G3BP2: variants seen among roughly 807,000 people sequenced by gnomAD.
G3BP2 encodes G3BP stress granule assembly factor 2, also known as ras GTPase-activating protein-binding protein 2.
A neutral mutation model predicts 56.7 loss-of-function variants in G3BP2; 11 were observed. The ratio of observed to expected loss-of-function variants is 0.19; its 90% CI spans 0.12 to 0.32. The LOEUF (loss-of-function observed/expected upper bound fraction) is 0.32. G3BP2 is among the 10% of genes least tolerant of loss of function. The pLI is 1.00. For missense variants in G3BP2, 340 were observed against 610.9 expected, an observed-to-expected ratio of 0.56 and a Z score of 4.67; for synonymous variants, 165 against 191.6, an observed-to-expected ratio of 0.86 and a Z score of 1.15.
chr4:75,697,627 G>C (rs1380147353), intron 3 of G3BP2, among the ~76,000 whole-genome samples: 1 of 151,942 alleles, frequency 6.6e-6, no homozygotes, highest in Non-Finnish European at 1.5e-5. Context: ...GTCATAAGTG[G>C]GTAATTCATA....
rs1578421894 is a variant in G3BP2, at chr4:75,678,801, A to G, written c.-24-16752T>C. The stretch of plus-strand genomic sequence containing the variant: ...TCTCATCTGTAAAATGGGGACAATA[A>G]TAATATCTACCTTATTAGGGTACAG... On this transcript the variant is annotated intron_variant, in intron 3 of 3. Coordinates refer to the G3BP2 transcript ENST00000499709. 4.6e-5 allele frequency among the ~76,000 whole-genome samples: 7 copies of G among 152,318 alleles called. No homozygotes were observed. In the South Asian group the frequency reaches 1.0e-3, roughly 23 times the overall value.
chr4:75,648,277 G>A (rs1731383087), intron 9 of G3BP2, among the ~76,000 whole-genome samples: 1 of 149,880 alleles, frequency 6.7e-6, no homozygotes, highest in Admixed American at 6.8e-5. Flanking sequence ...GAACCCGGGA[G>A]ACAGAGGTTG....
rs33912343 is a variant in G3BP2, at chr4:75,667,288, T to TA, written c.-24-5240dup. On this transcript the variant is annotated intron_variant, in intron 1 of 11. Coordinates refer to ENST00000359707, the MANE Select transcript of G3BP2 (RefSeq NM_203505.3). ...TGGGTAACAGGAGTGAGACACTGTTTAAAAAAAAAAAAAAAAAGATAGCCA... is the reference window on the plus strand; with the variant it reads ...TGGGTAACAGGAGTGAGACACTGTTTAAAAAAAAAAAAAAAAAAGATAGCCA... 6.0e-3 allele frequency among the ~76,000 whole-genome samples: 817 copies of TA among 137,300 alleles called. 13 individuals carry two copies. The highest frequency in any genetic ancestry group is 0.019 in the Middle Eastern group (5 of 268). The allele number at this position is 137,300 out of a possible 152,430, so 90.1% of individuals were successfully genotyped here.
intron 3 of G3BP2, among the ~76,000 whole-genome samples, chr4:75,683,829 C>G (rs1325171910): frequency 1.3e-5 from 2 of 151,990 alleles, no homozygotes; most frequent in Non-Finnish European, 2.9e-5. Flanking sequence ...AACTCCATAG[C>G]CATGCCGTAA....
In G3BP2 at chr4:75,657,754, A is replaced by G. The variant is rs200235460; in HGVS notation, c.178-24T>C. The G allele has an allele frequency of 1.8e-5, 27 of 1,490,156 alleles. No individual in the cohort carries two copies. The Admixed American group carries it at 2.8e-4, about 15-fold the overall frequency. The allele number at this position is 1,490,156 out of a possible 1,614,324, so 92.3% of individuals were successfully genotyped here. A position where few individuals can be genotyped will look rare whatever the true frequency, so the allele number is the denominator to read the frequency against. Reference sequence around the variant, plus strand: ...TCCTTTATTAGGGAGGGAGGGAAAAATATAAACTCTGTGATACTGCATTAC... The same window carrying G: ...TCCTTTATTAGGGAGGGAGGGAAAAGTATAAACTCTGTGATACTGCATTAC... On this transcript the variant is annotated intron_variant, in intron 3 of 11. Coordinates refer to ENST00000359707, the MANE Select transcript of G3BP2 (RefSeq NM_203505.3).
chr4:75,671,640 A>G (rs897349293), intron 1 of G3BP2, among the ~76,000 whole-genome samples: 1 of 152,236 alleles, frequency 6.6e-6, no homozygotes, highest in Non-Finnish European at 1.5e-5. Flanking sequence ...GCTCTTAGTA[A>G]GAAATTCATT....
At chr4:75,673,437 T>C, upstream of G3BP2, 1 of 1,208,292 alleles carries the variant, frequency 8.3e-7, no homozygotes, top group Non-Finnish European at 1.0e-6. Context: ...CACCGCCCCC[T>C]CTTATTGTTT....
At chr4:75,677,599 A>G (rs1464398235), upstream of G3BP2, among the ~76,000 whole-genome samples, 3 of 151,896 alleles carry the variant, frequency 2.0e-5, no homozygotes, top group African/African-American at 7.3e-5. Flanking sequence ...AAAAAAAGAG[A>G]TGACTACATG....
chr4:75,643,300 T>C lies in G3BP2; in HGVS notation c.*2130A>G, dbSNP rs1266942056. ...GCAATATCCTGAATTGGAAATTATATATATATATATATATATGGAAACAGA... is the reference window on the plus strand; with the variant it reads ...GCAATATCCTGAATTGGAAATTATACATATATATATATATATGGAAACAGA... On this transcript the variant is annotated 3_prime_UTR_variant, in exon 12 of 12. Coordinates refer to ENST00000359707, the MANE Select transcript of G3BP2 (RefSeq NM_203505.3). 7.4e-6 allele frequency: 1 copy of C among 136,014 alleles called. No homozygotes were observed. Among genetic ancestry groups the C allele is most frequent in the East Asian group, 2.0e-4 (1 of 5,128 alleles). 8.4% of individuals were successfully genotyped at this position (136,014 alleles called of 1,614,324 possible). A position where few individuals can be genotyped will look rare whatever the true frequency, so the allele number is the denominator to read the frequency against.
intron 1 of G3BP2, among the ~76,000 whole-genome samples, chr4:75,666,455 G>A (rs566485543): frequency 1.3e-5 from 2 of 152,288 alleles, no homozygotes; most frequent in Admixed American, 6.5e-5. Flanking sequence ...GATTTACTGA[G>A]AGAACAGTGT....
chr4:75,655,868 A>C lies in G3BP2; in HGVS notation c.445T>G (p.Ser149Ala). The C allele has an allele frequency of 6.9e-7, 1 of 1,456,448 alleles. No homozygotes were observed. Among genetic ancestry groups the C allele is most frequent in the Non-Finnish European group, 9.6e-7 (1 of 1,036,436 alleles). The allele number at this position is 1,456,448 out of a possible 1,614,324, so 90.2% of individuals were successfully genotyped here. The change falls in exon 6 of 12, where the codon TCA becomes GCA. Residue 149 changes from serine to alanine, a missense_variant and splice_region_variant. By Grantham distance (99) the Ser-to-Ala change is moderately conservative. Coordinates refer to ENST00000359707, the MANE Select transcript of G3BP2 (RefSeq NM_203505.3). Reference sequence around the variant, plus strand: ...TGTTCCTCTTCTACTTCATCTTCTGATTCTGAAAATACATAATACAGCACA... The same window carrying C: ...TGTTCCTCTTCTACTTCATCTTCTGCTTCTGAAAATACATAATACAGCACA... ...GDSEPELDEESEDEVEEEQEE... is the reference protein window; with the variant it reads ...GDSEPELDEEAEDEVEEEQEE...
chr4:75,655,944 T>A (rs1490165764), intron 5 of G3BP2, 74 bp from the exon 6 acceptor site: 2 of 831,930 alleles, frequency 2.4e-6, no homozygotes, highest in Non-Finnish European at 4.1e-6. Context: ...TTTAACATGT[T>A]TAAGGAAGTG....
At chr4:75,681,510 A>AT (rs1560411135) in intron 3 of G3BP2, among the ~76,000 whole-genome samples, 3 of 152,074 alleles carry the variant, frequency 2.0e-5, no homozygotes, top group Admixed American at 2.0e-4. Context: ...TAAAGTTTAT[A>AT]CATTAGGCAC....
Position 75,643,683 on chromosome 4 carries a change from T to C in G3BP2, c.*1747A>G, listed in dbSNP as rs571308775. The C allele has an allele frequency of 2.6e-5, 4 of 152,728 alleles. No homozygotes were observed. The South Asian group carries it at 8.3e-4, about 32-fold the overall frequency. The allele number at this position is 152,728 out of a possible 1,614,324, so 9.5% of individuals were successfully genotyped here. A position where few individuals can be genotyped will look rare whatever the true frequency, so the allele number is the denominator to read the frequency against. On this transcript the variant is annotated 3_prime_UTR_variant, in exon 12 of 12. Transcript: ENST00000359707. ...TGCTAGTTTACTAAATAGCAAACAG[T>C]TGCATAATTCAGAACCAATTTGCTA... is the stretch of plus-strand genomic sequence containing the variant.
upstream of G3BP2, chr4:75,673,661 C>T (rs1470681867): frequency 3.6e-5 from 44 of 1,224,534 alleles, no homozygotes; most frequent in Non-Finnish European, 4.4e-5. Flanking sequence ...AGCAGGCTGC[C>T]TTTCTCCGGT....
chr4:75,692,561 C>A (rs1327911245), intron 3 of G3BP2, among the ~76,000 whole-genome samples: 4 of 152,182 alleles, frequency 2.6e-5, no homozygotes, highest in African/African-American at 9.6e-5. Flanking sequence ...CCACCCACCT[C>A]GGCCTCCCAA....
chr4:75,673,367 T>C lies in G3BP2; in HGVS notation c.-184A>G, dbSNP rs1733669622. 6 of 1,230,868 alleles carry C rather than the reference T, an allele frequency of 4.9e-6. No homozygotes were observed. Among genetic ancestry groups the C allele is most frequent in the Non-Finnish European group, 1.0e-6 (1 of 987,204 alleles). 76.2% of individuals were successfully genotyped at this position (1,230,868 alleles called of 1,614,324 possible). A position where few individuals can be genotyped will look rare whatever the true frequency, so the allele number is the denominator to read the frequency against. On this transcript the variant is annotated 5_prime_UTR_variant, in exon 1 of 12. Transcript: ENST00000359707. The stretch of plus-strand genomic sequence containing the variant: ...AGTTCGTCTGCCTCACAACCACCTC[T>C]TCCCGGGCGCCAGGCGCTGCGACGT...
At chr4:75,657,292 T>C (rs1732192595) in intron 4 of G3BP2, among the ~76,000 whole-genome samples, 2 of 152,230 alleles carry the variant, frequency 1.3e-5, no homozygotes, top group South Asian at 2.1e-4. Flanking sequence ...TATTTTGTTT[T>C]CAAATGTAAC....
At chr4:75,647,738 T>G (rs1263684714) in intron 9 of G3BP2, among the ~76,000 whole-genome samples, 1 of 152,202 alleles carries the variant, frequency 6.6e-6, no homozygotes, top group Non-Finnish European at 1.5e-5. Context: ...GCTCAGAATT[T>G]AAGGGTTTCA....
Sources: gnomAD v4.1 joint callset for allele counts (sites outside exome capture counted in the v4.1 genomes callset) on GRCh38, gnomAD v4.1.1 for gene constraint, MANE v1.5 for transcripts, NCBI Gene and HGNC (gene_info 2026-07-23, HGNC 2026-07-21) for gene names.